Variants in DPP6 observed in about 807,000 individuals in gnomAD.
DPP6 encodes the protein A-type potassium channel modulatory protein DPP6.
DPP6 carries 69 observed loss-of-function variants against 122.6 expected under a neutral mutation model. The observed-to-expected ratio is 0.56, with a 90% CI of 0.46 to 0.69. DPP6 has a LOEUF of 0.69. DPP6 is among the 30% of genes least tolerant of loss of function. The pLI is 0.00. For synonymous variants in DPP6, 418 were observed against 433.1 expected (o/e 0.97, Z 0.43); for missense variants, 928 against 1,116.9 (o/e 0.83, Z 2.41).
At chr7:154,829,847 T>C (rs563558835) in intron 16 of DPP6, among the ~76,000 whole-genome samples, 7 of 152,122 alleles carry the variant, frequency 4.6e-5, no homozygotes, top group Non-Finnish European at 7.4e-5. Flanking sequence ...CTGCTCCTCA[T>C]GTGGAATCTA....
chr7:154,250,129 A>G (rs1241952387), intron 1 of DPP6, among the ~76,000 whole-genome samples: 1 of 151,910 alleles, frequency 6.6e-6, no homozygotes, highest in Non-Finnish European at 1.5e-5. Context: ...ATTGATCACG[A>G]CCCTCTCAAG....
At position 153,958,683 on chromosome 7, in the gene DPP6, G is replaced by A. The variant is rs185979970; in HGVS notation, c.51+70949G>A. ...CCTTGGTACAGCCCTCTTTATCATT[G>A]CCCCATGGCTGGGGCTGGAGGACAG... On this transcript the variant is annotated intron_variant, in intron 1 of 25. Coordinates refer to the DPP6 transcript ENST00000404039. Among the ~76,000 whole-genome samples the A allele has an allele frequency of 7.9e-5, 12 of 152,250 alleles. No homozygotes were observed. The East Asian group carries it at 2.3e-3, about 29-fold the overall frequency.
At chr7:154,365,466 G>T (rs1348047737) in intron 1 of DPP6, among the ~76,000 whole-genome samples, 1 of 152,144 alleles carries the variant, frequency 6.6e-6, no homozygotes, top group East Asian at 1.9e-4. Context: ...ATGGAGAGAT[G>T]AGCCCCCCTT....
chr7:153,866,777 T>C, the DPP6 span, among the ~76,000 whole-genome samples: 2 of 152,182 alleles, frequency 1.3e-5, no homozygotes, highest in African/African-American at 2.4e-5. Context: ...GTTTTTATGG[T>C]TTTAGGTCTA....
At chr7:154,643,241 T>C (rs985244682) in intron 6 of DPP6, among the ~76,000 whole-genome samples, 1 of 152,032 alleles carries the variant, frequency 6.6e-6, no homozygotes, top group Non-Finnish European at 1.5e-5. Context: ...ACTCAATAAT[T>C]TTTTTTATAT....
chr7:154,400,895 T>C (rs1324547913), intron 1 of DPP6, among the ~76,000 whole-genome samples: 1 of 152,196 alleles, frequency 6.6e-6, no homozygotes, highest in Non-Finnish European at 1.5e-5. Flanking sequence ...TAAGATGAAT[T>C]GCACAGCTAA....
chr7:154,597,609 T>TTAAA lies in DPP6; in HGVS notation c.627+30693_627+30694insTAAA, dbSNP rs71184010. 1.4e-3 allele frequency among the ~76,000 whole-genome samples: 212 copies of TTAAA among 147,622 alleles called. 2 individuals are homozygous for TTAAA. In the East Asian group the frequency reaches 0.018, roughly 13 times the overall value. ...GCCCGGGAGACAGAGTGAGACTCCA[T>TTAAA]AAAAAAAAAAAAATTGAGTAGTATA... On this transcript the variant is annotated intron_variant, in intron 5 of 25. Coordinates refer to ENST00000377770, the MANE Select transcript of DPP6 (RefSeq NM_130797.4).
At chr7:154,098,117 T>C (rs2150563962) in intron 1 of DPP6, among the ~76,000 whole-genome samples, 1 of 152,278 alleles carries the variant, frequency 6.6e-6, no homozygotes, top group East Asian at 1.9e-4. Flanking sequence ...TGGATTATGT[T>C]GGAGGAGGGA....
chr7:154,665,062 T>C (rs1339734003), intron 6 of DPP6, among the ~76,000 whole-genome samples: 29 of 152,226 alleles, frequency 1.9e-4, no homozygotes, highest in Admixed American at 1.9e-3. Flanking sequence ...GTCTATAACA[T>C]TTCCTCCATT....
chr7:154,459,192 A>C (rs1486294984), intron 2 of DPP6, among the ~76,000 whole-genome samples: 9 of 148,118 alleles, frequency 6.1e-5, no homozygotes, highest in Admixed American at 6.1e-4. Context: ...TGTATGTGAC[A>C]GATAATGATA....
At position 154,540,423 on chromosome 7, in the gene DPP6, C is replaced by A. The variant is rs1828621845; in HGVS notation, c.458-109C>A. On this transcript the variant is annotated intron_variant, in intron 3 of 25. Transcript: ENST00000377770. ...GAAAGGGCCGTTTGATGAGTGGGAG[C>A]CTATCTTTTTTTCAGAACTAGTGAT... The A allele has an allele frequency of 2.5e-5, 18 of 714,964 alleles. No homozygotes were observed. The South Asian group carries it at 2.7e-4, about 11-fold the overall frequency. The allele number at this position is 714,964 out of a possible 1,614,324, so 44.3% of individuals were successfully genotyped here.
intron 1 of DPP6, among the ~76,000 whole-genome samples, chr7:154,065,563 T>C (rs4067508): frequency 0.63 from 94,594 of 149,692 alleles, 30,147 homozygotes; most frequent in South Asian, 0.72. Context: ...TACTGAATAC[T>C]ACTACCTAAG....
intron 1 of DPP6, among the ~76,000 whole-genome samples, chr7:154,285,413 C>T (rs188531669): frequency 2.0e-4 from 30 of 152,156 alleles, no homozygotes; most frequent in Admixed American, 1.4e-3. Flanking sequence ...AACAGGCACC[C>T]GCCACCACAC....
At chr7:154,835,772 T>C (rs765803257) in intron 16 of DPP6, among the ~76,000 whole-genome samples, 3 of 152,218 alleles carry the variant, frequency 2.0e-5, no homozygotes, top group Non-Finnish European at 4.4e-5. Context: ...AGACACACTT[T>C]TCCTATTTTC....
At chr7:154,745,349 C>G (rs1842989978) in intron 8 of DPP6, among the ~76,000 whole-genome samples, 1 of 152,170 alleles carries the variant, frequency 6.6e-6, no homozygotes, top group African/African-American at 2.4e-5. Context: ...TCCTTTATAA[C>G]AAATAATGTA....
At chr7:154,630,597 A>G (rs564062402) in intron 5 of DPP6, among the ~76,000 whole-genome samples, 1 of 152,332 alleles carries the variant, frequency 6.6e-6, no homozygotes, top group East Asian at 1.9e-4. Flanking sequence ...ATAAATGTCT[A>G]TGCAGCCATA....
At chr7:153,813,524 C>T in the DPP6 span, among the ~76,000 whole-genome samples, 4 of 152,236 alleles carry the variant, frequency 2.6e-5, no homozygotes, top group Admixed American at 6.5e-5. Context: ...GATTTATAGT[C>T]GTCTGGGTAT....
At chr7:154,021,123 C>T (rs1269369441) in intron 1 of DPP6, among the ~76,000 whole-genome samples, 1 of 152,250 alleles carries the variant, frequency 6.6e-6, no homozygotes, top group East Asian at 1.9e-4. Context: ...GACGAGGACC[C>T]ATCCCATCAT....
At chr7:154,639,710 GTGATGATCTGCCTTATAGATGACC>G (rs1835945624) in intron 6 of DPP6, among the ~76,000 whole-genome samples, 1 of 152,184 alleles carries the variant, frequency 6.6e-6, no homozygotes, top group Non-Finnish European at 1.5e-5. Flanking sequence ...CTGGAGCCTG[GTGATGATCTGCCTTATAGATGACC>G]CCAACACGGA....
Sources: allele counts gnomAD v4.1 joint callset (sites outside exome capture counted in the v4.1 genomes callset), GRCh38; gene constraint gnomAD v4.1.1; transcripts MANE v1.5; gene names NCBI Gene and HGNC (gene_info 2026-07-23, HGNC 2026-07-21).